PA2G4: variants seen among roughly 807,000 people sequenced by gnomAD.
The protein encoded by PA2G4 is proliferation-associated 2G4.
Under a neutral mutation model 53.3 loss-of-function variants are expected in PA2G4, and 8 were observed. The ratio of observed to expected loss-of-function variants is 0.15; its 90% CI spans 0.09 to 0.27. PA2G4 has a LOEUF of 0.27. Among genes scored for constraint, PA2G4 ranks in the 10% least tolerant of loss-of-function variants. PA2G4 has a pLI of 1.00. For missense variants in PA2G4, 208 were observed against 486.8 expected (o/e 0.43, Z 5.39); for synonymous variants, 143 against 169.8 (o/e 0.84, Z 1.23).
intron 12 of PA2G4, 148 bp downstream of exon 12, chr12:56,111,677 T>G (rs894790431): frequency 3.2e-6 from 2 of 629,498 alleles, no homozygotes; most frequent in Non-Finnish European, 5.5e-6. Context: ...CCATCATAAA[T>G]TGAAAATACT....
rs1869438853 is a variant in PA2G4 at position 56,112,077 on chromosome 12, GCGCTCCGGCC to G, written c.1119+549_1119+558del. ...TGCAGTGGGCCGAGATCGCACCATT[GCGCTCCGGCC>G]TGCGCAACAAGAGCGAAACTCTGTC... On this transcript the variant is annotated intron_variant, in intron 12 of 12. Coordinates refer to ENST00000303305, the MANE Select transcript of PA2G4 (RefSeq NM_006191.3). 3.9e-5 allele frequency among the ~76,000 whole-genome samples: 6 copies of G among 152,284 alleles called. No individual in the cohort carries two copies. In the South Asian group the frequency reaches 1.2e-3, roughly 32 times the overall value.
intron 2 of PA2G4, 80 bp downstream of exon 2, chr12:56,106,796 G>A: frequency 5.3e-6 from 8 of 1,507,494 alleles, no homozygotes; most frequent in Non-Finnish European, 7.1e-6. Context: ...TCACTGTAAT[G>A]ACGCAGTCCC....
chr12:56,104,783 C>T lies in PA2G4; in HGVS notation c.46C>T (p.Leu16=). ...ACAGGAGCAAACTATCGCTGAGGAC[C>T]TGGTCGTGACCAAGTATAAGATGGG... The part of the protein sequence containing the change: ...EQQEQTIAED[L]VVTKYKMGGD... Residue 16 remains leucine (L), a synonymous_variant, in exon 1 of 13, where the codon CTG becomes TTG. Transcript: ENST00000303305. 6.2e-7 allele frequency: 1 copy of T among 1,613,952 alleles called. No individual in the cohort carries two copies. Among genetic ancestry groups the T allele is most frequent in the South Asian group, 1.1e-5 (1 of 91,066 alleles).
Position 56,109,838 on chromosome 12 carries a change from G to C in PA2G4, c.551-19G>C, listed in dbSNP as rs373340331. The C allele has an allele frequency of 2.1e-5, 33 of 1,589,480 alleles. No individual in the cohort carries two copies. The highest frequency in any genetic ancestry group is 2.8e-5 in the Non-Finnish European group (32 of 1,157,692). On this transcript the variant is annotated intron_variant, in intron 6 of 12. Transcript: ENST00000303305. ...GGGATACTGGATAGCTTGTTCCATA[G>C]GTTGTGTACTATCTACAGGTATGCT...
At chr12:56,111,921 T>C (rs1163688013) in intron 12 of PA2G4, among the ~76,000 whole-genome samples, 3 of 151,646 alleles carry the variant, frequency 2.0e-5, no homozygotes, top group African/African-American at 7.3e-5. Flanking sequence ...GAGATCAGCC[T>C]GACCAACACA....
At chr12:56,108,848 C>T (rs1378133709) in intron 5 of PA2G4, among the ~76,000 whole-genome samples, 2 of 151,994 alleles carry the variant, frequency 1.3e-5, no homozygotes, top group Non-Finnish European at 2.9e-5. Flanking sequence ...CTCAGTTCTG[C>T]CAGGTGCAAT....
chr12:56,109,629 C>CAAAA (rs34060703), intron 6 of PA2G4, among the ~76,000 whole-genome samples: 47 of 84,840 alleles, frequency 5.5e-4, no homozygotes, highest in Non-Finnish European at 2.6e-4. Context: ...TCCTCCATCT[C>CAAAA]AAAAAAAAAA....
Position 56,107,357 on chromosome 12 carries a change from A to G in PA2G4, c.393+101A>G, listed in dbSNP as rs1038905519. The G allele has an allele frequency of 1.0e-5, 11 of 1,093,484 alleles. No homozygotes were observed. The South Asian group carries it at 1.4e-4, about 14-fold the overall frequency. 67.7% of individuals were successfully genotyped at this position (1,093,484 alleles called of 1,614,324 possible). On this transcript the variant is annotated intron_variant, in intron 4 of 12. Coordinates refer to ENST00000303305, the MANE Select transcript of PA2G4 (RefSeq NM_006191.3). The stretch of plus-strand genomic sequence containing the variant: ...CCCCAATCACCACGTAAGTTGAGAG[A>G]GTCTCTAGAGAAGCAAAAGGAGAAA...
chr12:56,112,807 CT>C lies in PA2G4; in HGVS notation c.1120-12del. 1.3e-6 allele frequency: 2 copies of C among 1,559,514 alleles called. No individual in the cohort carries two copies. Among genetic ancestry groups the C allele is most frequent in the Admixed American group, 1.9e-5 (1 of 52,928 alleles). On this transcript the variant is annotated splice_polypyrimidine_tract_variant and intron_variant, in intron 12 of 12. Transcript: ENST00000303305. ...GAAACTGACAGGTCTTCTCCCTCTC[CT>C]TTTCTTGCATATAGGCCTCCAAGAC...
chr12:56,106,856 T>C (rs1869313297), intron 2 of PA2G4, 134 bp from the exon 3 acceptor site: 1 of 1,273,894 alleles, frequency 7.8e-7, no homozygotes, highest in African/African-American at 1.5e-5. Context: ...GCAAGTGGGA[T>C]ACAAGCAGTT....
At chr12:56,109,544 C>T (rs533948218) in intron 6 of PA2G4, among the ~76,000 whole-genome samples, 7 of 149,780 alleles carry the variant, frequency 4.7e-5, no homozygotes, top group South Asian at 2.1e-4. Context: ...CGCTTGAACC[C>T]GGGAGGAGGA....
intron 7 of PA2G4, 138 bp downstream of exon 7, chr12:56,110,073 T>A: frequency 1.4e-6 from 1 of 710,526 alleles, no homozygotes; most frequent in South Asian, 1.6e-5. Context: ...ATTCCCTTTC[T>A]CTAGGCCGGG....
intron 1 of PA2G4, chr12:56,105,048 G>T: frequency 2.9e-6 from 2 of 699,682 alleles, no homozygotes; most frequent in South Asian, 1.5e-5. Flanking sequence ...ACCAGGATGA[G>T]CGCAGAGAGG....
chr12:56,109,050 C>G (rs546246710), intron 5 of PA2G4, among the ~76,000 whole-genome samples, 180 bp from the exon 6 acceptor site: 16 of 147,202 alleles, frequency 1.1e-4, no homozygotes, highest in Non-Finnish European at 2.2e-4. Flanking sequence ...AGCTTGAACC[C>G]GGGAGGCAGA....
At chr12:56,107,963 A>G (rs1172311036) in intron 5 of PA2G4, among the ~76,000 whole-genome samples, 2 of 152,206 alleles carry the variant, frequency 1.3e-5, no homozygotes, top group Non-Finnish European at 2.9e-5. Flanking sequence ...TGGGAGATTG[A>G]GGCTGTGCTG....
intron 1 of PA2G4, chr12:56,106,282 A>G (rs1869299214): frequency 8.7e-6 from 2 of 230,718 alleles, no homozygotes; most frequent in Non-Finnish European, 1.7e-5. Context: ...ATGCCTATAA[A>G]TTTCATCTAG....
At position 56,113,812 on chromosome 12, in the gene PA2G4, T is replaced by C; in HGVS notation, c.*924T>C. On this transcript the variant is annotated 3_prime_UTR_variant, in exon 13 of 13. Transcript: ENST00000303305. ...GTGACAAATTTCAGTACCTCTGGCATGCTGTCCCAGGAAACTAGGGCTCCC... is the reference window on the plus strand; with the variant it reads ...GTGACAAATTTCAGTACCTCTGGCACGCTGTCCCAGGAAACTAGGGCTCCC... 1 of 701,756 alleles carries C rather than the reference T, an allele frequency of 1.4e-6. No individual in the cohort carries two copies. The highest frequency in any genetic ancestry group is 1.5e-5 in the South Asian group (1 of 67,472). The allele number at this position is 701,756 out of a possible 1,614,324, so 43.5% of individuals were successfully genotyped here.
In PA2G4 at chr12:56,111,499, T is replaced by C. The variant is rs773535052; in HGVS notation, c.1089T>C (p.Ser363=). The C allele has an allele frequency of 2.5e-6, 4 of 1,613,770 alleles. No individual in the cohort carries two copies. In the South Asian group the frequency reaches 4.4e-5, roughly 18 times the overall value. The change falls in exon 12 of 13, where the codon AGT becomes AGC. Residue 363 remains serine, a synonymous_variant. Transcript: ENST00000303305. The stretch of plus-strand genomic sequence containing the variant: ...AGGCCCTCCTCCAGAGTTCTGCAAG[T>C]CGAAAAACCCAGAAAAAGAAAAAAA... ...ELKALLQSSA[S]RKTQKKKKKK...
At chr12:56,104,937 G>T in intron 1 of PA2G4, 112 bp downstream of exon 1, 1 of 970,198 alleles carries the variant, frequency 1.0e-6, no homozygotes, top group South Asian at 1.3e-5. Context: ...TGAGGGGCCC[G>T]CACCGGTCCG....
Sources: allele counts gnomAD v4.1 joint callset (sites outside exome capture counted in the v4.1 genomes callset), GRCh38; gene constraint gnomAD v4.1.1; transcripts MANE v1.5; gene names NCBI Gene and HGNC (gene_info 2026-07-23, HGNC 2026-07-21).